Variants in CDYL observed in about 807,000 individuals in gnomAD.
CDYL encodes chromodomain Y like, also known as chromodomain Y-like protein.
Under a neutral mutation model 47.3 loss-of-function variants are expected in CDYL, and 8 were observed. That is an observed-to-expected ratio of 0.17 (90% CI 0.10 to 0.31). The LOEUF is 0.31. Among genes scored for constraint, CDYL ranks in the 10% least tolerant of loss-of-function variants. CDYL has a pLI of 1.00. For missense variants in CDYL, 471 were observed against 701.4 expected, an observed-to-expected ratio of 0.67 and a Z score of 3.71; for synonymous variants, 266 against 265.0, an observed-to-expected ratio of 1.00 and a Z score of -0.04.
chr6:4,714,784 A>T (rs1263982914), intron 1 of CDYL: 1 of 152,124 alleles, frequency 6.6e-6, no homozygotes. Context: ...ACACCAACAA[A>T]CTTGAGGACT....
upstream of CDYL, chr6:4,776,369 C>T (rs1288988730): frequency 6.9e-6 from 1 of 145,574 alleles, no homozygotes; most frequent in African/African-American, 2.5e-5. Flanking sequence ...CGGGCGGCCG[C>T]ACTGGGCATG....
At chr6:4,824,100 A>G (rs1759914512) in intron 1 of CDYL, among the ~76,000 whole-genome samples, 1 of 152,230 alleles carries the variant, frequency 6.6e-6, no homozygotes, top group Non-Finnish European at 1.5e-5. Context: ...ACTCTTACAT[A>G]GATACACCAC....
At chr6:4,781,994 G>A (rs1407529467) in intron 1 of CDYL, among the ~76,000 whole-genome samples, 1 of 151,238 alleles carries the variant, frequency 6.6e-6, no homozygotes, top group East Asian at 2.0e-4. Context: ...TTTTTGGAAT[G>A]CAGGTGGATT....
intron 2 of CDYL, among the ~76,000 whole-genome samples, chr6:4,720,721 G>C (rs534773215): frequency 3.3e-5 from 5 of 152,318 alleles, no homozygotes; most frequent in African/African-American, 1.2e-4. Flanking sequence ...AATGGCAGGA[G>C]TAAAGGGATA....
At chr6:4,849,113 T>C (rs1760747383) in intron 1 of CDYL, among the ~76,000 whole-genome samples, 1 of 152,242 alleles carries the variant, frequency 6.6e-6, no homozygotes. Flanking sequence ...GTCTTAAGAG[T>C]ATTCTGATTA....
At chr6:4,925,031 G>A (rs927667468) in intron 2 of CDYL, among the ~76,000 whole-genome samples, 2 of 152,338 alleles carry the variant, frequency 1.3e-5, no homozygotes, top group East Asian at 1.9e-4. Flanking sequence ...TGGCTACTGC[G>A]AAGCAATAGA....
rs199916568 is a variant in CDYL, at chr6:4,742,208, A to AT, written c.186+7372dup. Among the ~76,000 whole-genome samples, 138 of 151,752 alleles carry AT rather than the reference A, an allele frequency of 9.1e-4. 2 individuals carry two copies. The East Asian group carries it at 0.021, about 24-fold the overall frequency. On this transcript the variant is annotated intron_variant, in intron 3 of 8. Transcript: ENST00000328908. The stretch of plus-strand genomic sequence containing the variant: ...ATCTCTACAAAAAATAAAAAATAAA[A>AT]TTTTTTTTAATTAGCCAGGTGTGGT...
chr6:4,723,177 A>G (rs76459357), intron 2 of CDYL, among the ~76,000 whole-genome samples: 28 of 152,358 alleles, frequency 1.8e-4, no homozygotes, highest in Admixed American at 4.6e-4. Flanking sequence ...CCCATGTAGT[A>G]TAACTATTTA....
intron 2 of CDYL, among the ~76,000 whole-genome samples, chr6:4,730,705 A>G (rs771229295): frequency 0.014 from 1,975 of 146,184 alleles, 35 homozygotes; most frequent in Non-Finnish European, 0.018. Flanking sequence ...AAAAAAGAAC[A>G]TACCTCTTTC....
At chr6:4,807,858 C>T (rs1241456834) in intron 1 of CDYL, among the ~76,000 whole-genome samples, 1 of 152,014 alleles carries the variant, frequency 6.6e-6, no homozygotes, top group Non-Finnish European at 1.5e-5. Context: ...CCACTTGCCT[C>T]CACCTCCTAA....
chr6:4,761,497 C>T (rs1345157089), intron 3 of CDYL, among the ~76,000 whole-genome samples: 1 of 152,200 alleles, frequency 6.6e-6, no homozygotes, highest in Non-Finnish European at 1.5e-5. Context: ...GCGTCCGCCA[C>T]CACGCCCGGC....
chr6:4,936,645 A>G (rs1758200537), intron 3 of CDYL, among the ~76,000 whole-genome samples: 1 of 152,220 alleles, frequency 6.6e-6, no homozygotes, highest in African/African-American at 2.4e-5. Flanking sequence ...ATGTGCTTGG[A>G]CTTAACGCAC....
chr6:4,706,851 A>G (rs1046234422), intron 1 of CDYL, among the ~76,000 whole-genome samples: 3 of 152,130 alleles, frequency 2.0e-5, no homozygotes, highest in Admixed American at 2.0e-4. Context: ...TTGAGGACAG[A>G]CTTCAGAAGG....
intron 2 of CDYL, among the ~76,000 whole-genome samples, chr6:4,894,954 T>C (rs1384059704): frequency 6.6e-6 from 1 of 150,762 alleles, no homozygotes; most frequent in Non-Finnish European, 1.5e-5. Context: ...TATGCATGTG[T>C]ATATATACGT....
chr6:4,812,213 C>T (rs935381141), intron 1 of CDYL, among the ~76,000 whole-genome samples: 10 of 152,288 alleles, frequency 6.6e-5, no homozygotes, highest in African/African-American at 2.2e-4. Context: ...CAACAAGATG[C>T]CCTAGATACC....
intron 1 of CDYL, among the ~76,000 whole-genome samples, chr6:4,818,091 A>G (rs948588458): frequency 6.6e-6 from 1 of 152,172 alleles, no homozygotes; most frequent in East Asian, 1.9e-4. Flanking sequence ...CCACTTCTCT[A>G]CAAAAAATAC....
intron 2 of CDYL, among the ~76,000 whole-genome samples, chr6:4,911,604 T>C (rs1053553745): frequency 6.6e-6 from 1 of 152,230 alleles, no homozygotes; most frequent in Non-Finnish European, 1.5e-5. Context: ...GTTCTAGGGA[T>C]AGCTAAAAGC....
At chr6:4,866,478 A>G (rs1015663568) in intron 1 of CDYL, among the ~76,000 whole-genome samples, 1 of 152,150 alleles carries the variant, frequency 6.6e-6, no homozygotes, top group African/African-American at 2.4e-5. Context: ...CTGCATGCCA[A>G]CAAGTATGAG....
At position 4,937,579 on chromosome 6, in the gene CDYL, C is replaced by T. The variant is rs1189734172; in HGVS notation, c.963C>T (p.Val321=). ...NSLNPEVMRE[V]QSALSTAAAD... is the part of the protein sequence containing the mutation. ...GTGACTTTCAGGTAATGAGAGAAGTCCAGAGTGCTCTGAGCACGGCCGCTG... is the reference window on the plus strand; with the variant it reads ...GTGACTTTCAGGTAATGAGAGAAGTTCAGAGTGCTCTGAGCACGGCCGCTG... Residue 321 remains valine, a synonymous_variant, in exon 4 of 7, where the codon GTC becomes GTT. Coordinates refer to ENST00000397588, the MANE Select transcript of CDYL (RefSeq NM_004824.4). 6.4e-7 allele frequency: 1 copy of T among 1,564,978 alleles called. No homozygotes were observed. The highest frequency in any genetic ancestry group is 8.6e-7 in the Non-Finnish European group (1 of 1,158,302).
Sources: allele counts gnomAD v4.1 joint callset (sites outside exome capture counted in the v4.1 genomes callset), GRCh38; gene constraint gnomAD v4.1.1; transcripts MANE v1.5; gene names NCBI Gene and HGNC (gene_info 2026-07-23, HGNC 2026-07-21).